Variants in ENOSF1 observed in about 807,000 individuals in gnomAD.
ENOSF1 encodes the protein mitochondrial enolase superfamily member 1.
Under a neutral mutation model 68.2 loss-of-function variants are expected in ENOSF1, and 73 were observed. That is an observed-to-expected ratio of 1.07 (90% CI 0.89 to 1.30). The LOEUF (loss-of-function observed/expected upper bound fraction) is 1.30. Ranked by LOEUF, ENOSF1 falls within the 50% of genes most tolerant of loss-of-function variation. ENOSF1 has a pLI of 0.00. For missense variants in ENOSF1, 589 were observed against 554.5 expected, an observed-to-expected ratio of 1.06 and a Z score of -0.62; for synonymous variants, 223 against 210.4, an observed-to-expected ratio of 1.06 and a Z score of -0.52.
intron 2 of ENOSF1, among the ~76,000 whole-genome samples, chr18:698,023 C>T (rs1246266618): frequency 5.9e-5 from 9 of 152,120 alleles, no homozygotes; most frequent in African/African-American, 2.2e-4. Context: ...CAAATTACTG[C>T]GCTCAAGTGA....
intron 11 of ENOSF1, among the ~76,000 whole-genome samples, chr18:681,045 A>G (rs2076029216): frequency 6.6e-6 from 1 of 152,098 alleles, no homozygotes; most frequent in Non-Finnish European, 1.5e-5. Context: ...TATTTTTAGT[A>G]GAGACGAGGT....
chr18:693,181 A>G, intron 5 of ENOSF1: 1 of 1,289,150 alleles, frequency 7.8e-7, no homozygotes, highest in Non-Finnish European at 1.0e-6. Context: ...CACCCCTGCT[A>G]TGAAAAGGTC....
At chr18:667,209 TGATGGA>T (rs1346635729), downstream of ENOSF1, among the ~76,000 whole-genome samples, 40 of 56,170 alleles carry the variant, frequency 7.1e-4, 5 homozygotes, top group East Asian at 0.011. Flanking sequence ...ATGGTGATGG[TGATGGA>T]GATGGTGATG....
At chr18:692,573 G>A (rs2145077507) in intron 5 of ENOSF1, 2 of 415,032 alleles carry the variant, frequency 4.8e-6, no homozygotes, top group African/African-American at 2.2e-5. Flanking sequence ...CTGTAGCCTG[G>A]GCAACAAGAA....
downstream of ENOSF1, among the ~76,000 whole-genome samples, chr18:668,223 G>T (rs762421486): frequency 6.6e-6 from 1 of 150,646 alleles, no homozygotes; most frequent in Non-Finnish European, 1.5e-5. Context: ...CACTACCAAG[G>T]TTCATCTTTT....
intron 1 of ENOSF1, among the ~76,000 whole-genome samples, chr18:708,710 C>G (rs2612105): frequency 0.61 from 91,874 of 151,616 alleles, 28,181 homozygotes; most frequent in African/African-American, 0.72. Context: ...TCAGCAGTGG[C>G]AAGGGGAGTG....
intron 14 of ENOSF1, 170 bp from the exon 15 acceptor site, chr18:675,572 C>T (rs1568009387): frequency 1.6e-6 from 1 of 609,380 alleles, no homozygotes; most frequent in Admixed American, 2.7e-5. Context: ...GCCTCAGGTC[C>T]TTTTCTTCTA....
At chr18:711,261 G>A (rs532164745) in intron 1 of ENOSF1, among the ~76,000 whole-genome samples, 98 of 152,282 alleles carry the variant, frequency 6.4e-4, no homozygotes, top group Non-Finnish European at 1.1e-3. Context: ...AAAGGACATT[G>A]TTTTGCATTT....
At chr18:703,181 A>T (rs2145370288) in intron 2 of ENOSF1, among the ~76,000 whole-genome samples, 1 of 152,318 alleles carries the variant, frequency 6.6e-6, no homozygotes, top group East Asian at 1.9e-4. Context: ...AAGTTGATTT[A>T]TCCGTGCCTG....
At chr18:684,767 G>A (rs766803616) in intron 10 of ENOSF1, among the ~76,000 whole-genome samples, 3 of 152,126 alleles carry the variant, frequency 2.0e-5, no homozygotes, top group South Asian at 2.1e-4. Flanking sequence ...TGATCTTATT[G>A]TGCTTGGAGA....
chr18:690,943 G>C (rs1009565131), intron 7 of ENOSF1, 125 bp downstream of exon 7: 23 of 1,242,568 alleles, frequency 1.9e-5, no homozygotes, highest in Middle Eastern at 5.6e-4. Flanking sequence ...CTTGAATGTT[G>C]ATTTGAGGGC....
Position 712,579 on chromosome 18 carries a change from G to A in ENOSF1, c.9C>T (p.Arg3=), listed in dbSNP as rs753251380. 3.9e-6 allele frequency: 6 copies of A among 1,537,132 alleles called. No homozygotes were observed. In the Middle Eastern group the frequency reaches 7.4e-4, roughly 188 times the overall value. ...GGACCGAGAGCCGGGAGATCCTGCC[G>A]CGCACCATGGCCCCTGCGCCCCGTG... The part of the protein sequence containing the change: MV[R]GRISRLSVRD... Residue 3 remains arginine, a synonymous_variant, in exon 1 of 16, where the codon CGC becomes CGT. Transcript: ENST00000647584.
chr18:670,952 T>G lies in ENOSF1; in HGVS notation c.*3353A>C, dbSNP rs867721926. On this transcript the variant is annotated 3_prime_UTR_variant, in exon 16 of 16. Transcript: ENST00000647584. Reference sequence around the variant, plus strand: ...AATATGGGAAAACAAATTGCAGAGTTTAGTCTCTGATTAGCTTTTAAATTT... The same window carrying G: ...AATATGGGAAAACAAATTGCAGAGTGTAGTCTCTGATTAGCTTTTAAATTT... 1.2e-5 allele frequency: 17 copies of G among 1,474,212 alleles called. No individual in the cohort carries two copies. The highest frequency in any genetic ancestry group is 2.2e-4 in the Middle Eastern group (1 of 4,506). The allele number at this position is 1,474,212 out of a possible 1,614,324, so 91.3% of individuals were successfully genotyped here.
intron 2 of ENOSF1, among the ~76,000 whole-genome samples, chr18:699,311 A>C (rs1298595471): frequency 6.6e-6 from 1 of 151,984 alleles, no homozygotes; most frequent in Non-Finnish European, 1.5e-5. Context: ...AAAATACAAA[A>C]ATTAGCCGGT....
chr18:712,294 C>G, intron 1 of ENOSF1: 1 of 1,521,952 alleles, frequency 6.6e-7, no homozygotes, highest in Non-Finnish European at 8.8e-7. Flanking sequence ...AGTCGGGAAG[C>G]TGCCCGGGGC....
intron 5 of ENOSF1, chr18:693,408 T>C (rs2077402074): frequency 7.9e-6 from 9 of 1,141,762 alleles, no homozygotes; most frequent in Non-Finnish European, 9.8e-6. Context: ...CTGAAACTCC[T>C]GGGCTCAAGC....
rs757980419 is a variant in ENOSF1 at position 685,940 on chromosome 18, A to T, written c.722T>A (p.Ile241Asn). Residue 241 changes from isoleucine (I) to asparagine (N), a missense_variant, in exon 10 of 16, where the codon ATT becomes AAT. Physicochemically the swap from Ile to Asn is moderately radical, Grantham distance 149. Coordinates refer to ENST00000647584, the MANE Select transcript of ENOSF1 (RefSeq NM_017512.7). The stretch of plus-strand genomic sequence containing the variant: ...ATTTACCAAAGTCTTTTCCGGTCCA[A>T]TCATGTCTCGGATGATTTGGCATCT... ...MRRCQIIRDM[I>N]GPEKTLMMDA... 84 of 1,613,830 alleles carry T rather than the reference A, an allele frequency of 5.2e-5. 2 individuals carry two copies. In the East Asian group the frequency reaches 1.2e-3, roughly 22 times the overall value.
chr18:677,996 A>G (rs2144605712), intron 12 of ENOSF1, 124 bp from the exon 13 acceptor site: 2 of 1,199,236 alleles, frequency 1.7e-6, no homozygotes, highest in East Asian at 5.0e-5. Flanking sequence ...GGAAGCCCAG[A>G]CTGTATTTCT....
chr18:690,049 G>A (rs1269906130), intron 8 of ENOSF1, among the ~76,000 whole-genome samples: 1 of 152,094 alleles, frequency 6.6e-6, no homozygotes, highest in Non-Finnish European at 1.5e-5. Context: ...CTCACCTGGA[G>A]GGGACATGGA....
Sources: allele counts gnomAD v4.1 joint callset (sites outside exome capture counted in the v4.1 genomes callset), GRCh38; gene constraint gnomAD v4.1.1; transcripts MANE v1.5; gene names NCBI Gene and HGNC (gene_info 2026-07-23, HGNC 2026-07-21).